FAF1: variants seen among roughly 807,000 people sequenced by gnomAD.
FAF1 encodes the protein Fas associated factor 1, also known as FAS-associated factor 1.
In FAF1, 25 loss-of-function variants were observed where a neutral mutation model predicts 92.5. The observed-to-expected ratio is 0.27, with a 90% CI of 0.20 to 0.38. The LOEUF (loss-of-function observed/expected upper bound fraction) is 0.38, where lower values mean the gene tolerates loss of function less well. FAF1 is among the 10% of genes least tolerant of loss of function. The pLI is 1.00. For synonymous variants in FAF1, 234 were observed against 273.2 expected, an observed-to-expected ratio of 0.86 and a Z score of 1.42; for missense variants, 636 against 793.3, an observed-to-expected ratio of 0.80 and a Z score of 2.38.
At chr1:50,596,077 G>C in intron 9 of FAF1, 44 bp downstream of exon 9, 3 of 1,326,842 alleles carry the variant, frequency 2.3e-6, no homozygotes, top group Non-Finnish European at 3.2e-6. Context: ...AGGTAGGTGG[G>C]GGATGGGCCT....
intron 8 of FAF1, among the ~76,000 whole-genome samples, chr1:50,637,773 A>G (rs577999794): frequency 6.6e-6 from 1 of 151,184 alleles, no homozygotes; most frequent in South Asian, 2.1e-4. Flanking sequence ...AGTCCAATTT[A>G]CCCATTTTTT....
chr1:50,761,744 C>A (rs558047316), intron 4 of FAF1, among the ~76,000 whole-genome samples: 2 of 152,200 alleles, frequency 1.3e-5, no homozygotes, highest in African/African-American at 4.8e-5. Context: ...ACTGAATGGG[C>A]AAAAACTGGA....
intron 9 of FAF1, 47 bp from the exon 10 acceptor site, chr1:50,584,858 C>T (rs1466370793): frequency 3.2e-6 from 5 of 1,570,572 alleles, no homozygotes; most frequent in Non-Finnish European, 4.4e-6. Flanking sequence ...TTTGGCCTAT[C>T]AAATTCTAAG....
At chr1:50,479,899 CAA>C (rs1646680793) in intron 17 of FAF1, among the ~76,000 whole-genome samples, 1 of 151,952 alleles carries the variant, frequency 6.6e-6, no homozygotes, top group Admixed American at 6.6e-5. Flanking sequence ...GTTCTACTGC[CAA>C]AAAAATAACA....
chr1:50,490,764 A>G, intron 16 of FAF1, 99 bp from the exon 17 acceptor site: 1 of 798,180 alleles, frequency 1.3e-6, no homozygotes. Flanking sequence ...GGAAAGAAAG[A>G]GTATGTGACA....
At chr1:50,763,723 T>C (rs988670469) in intron 4 of FAF1, among the ~76,000 whole-genome samples, 9 of 152,240 alleles carry the variant, frequency 5.9e-5, no homozygotes, top group Non-Finnish European at 1.2e-4. Context: ...AAATTATTGA[T>C]ATCACATAAT....
rs373170134 is a variant in FAF1 at position 50,838,755 on chromosome 1, T to G, written c.114+19174A>C. On this transcript the variant is annotated intron_variant, in intron 2 of 18. Coordinates refer to ENST00000396153, the MANE Select transcript of FAF1 (RefSeq NM_007051.3). The stretch of plus-strand genomic sequence containing the variant: ...CAGAGGATTTTATTTTGAAAACTCC[T>G]TAAATGTGATAACTATAAAGAACAC... Among the ~76,000 whole-genome samples, 28 of 152,166 alleles carry G rather than the reference T, an allele frequency of 1.8e-4. No homozygotes were observed. The South Asian group carries it at 4.6e-3, about 25-fold the overall frequency.
intron 15 of FAF1, among the ~76,000 whole-genome samples, chr1:50,507,431 T>G (rs1647072135): frequency 6.6e-6 from 1 of 152,186 alleles, no homozygotes; most frequent in African/African-American, 2.4e-5. Context: ...GGGGACTAGT[T>G]AGGCACTAGG....
chr1:50,569,943 G>A (rs941750666), intron 12 of FAF1, among the ~76,000 whole-genome samples: 4 of 152,008 alleles, frequency 2.6e-5, no homozygotes, highest in Non-Finnish European at 2.9e-5. Flanking sequence ...CATCTCTTTG[G>A]CAATATTTAA....
chr1:50,705,352 T>A (rs987068497), intron 7 of FAF1, among the ~76,000 whole-genome samples: 1 of 152,246 alleles, frequency 6.6e-6, no homozygotes, highest in Non-Finnish European at 1.5e-5. Flanking sequence ...AAGGGCAGGA[T>A]GGAGCTGCTT....
At chr1:50,647,722 C>A (rs1654657464) in intron 8 of FAF1, among the ~76,000 whole-genome samples, 1 of 152,142 alleles carries the variant, frequency 6.6e-6, no homozygotes, top group Non-Finnish European at 1.5e-5. Context: ...ACTCTTTAAT[C>A]TTCACAATAA....
At chr1:50,796,903 G>A (rs1661772136) in intron 3 of FAF1, among the ~76,000 whole-genome samples, 1 of 152,184 alleles carries the variant, frequency 6.6e-6, no homozygotes, top group South Asian at 2.1e-4. Flanking sequence ...GCCGAGGCAG[G>A]AGGATCACTT....
chr1:50,534,103 T>C (rs1468363512), intron 15 of FAF1, among the ~76,000 whole-genome samples: 2 of 152,168 alleles, frequency 1.3e-5, no homozygotes, highest in Non-Finnish European at 2.9e-5. Context: ...TTAATAGGGA[T>C]ACTAGCAGAA....
intron 8 of FAF1, among the ~76,000 whole-genome samples, chr1:50,602,098 C>A (rs1241992210): frequency 1.3e-5 from 2 of 152,144 alleles, no homozygotes; most frequent in Admixed American, 6.6e-5. Flanking sequence ...GTTATGTCAC[C>A]TGCAGACTCC....
chr1:50,824,944 G>T (rs1026242875), intron 2 of FAF1, among the ~76,000 whole-genome samples: 4 of 152,078 alleles, frequency 2.6e-5, no homozygotes, highest in Non-Finnish European at 5.9e-5. Flanking sequence ...GATAGGGGAG[G>T]TTGGGAAGGG....
At chr1:50,856,707 TTTC>T (rs753003235) in intron 2 of FAF1, among the ~76,000 whole-genome samples, 32 of 151,670 alleles carry the variant, frequency 2.1e-4, no homozygotes, top group Admixed American at 3.9e-4. Context: ...ATTTATTCAA[TTTC>T]TTCTGAAAAA....
At chr1:50,925,671 TAA>T (rs1430025281) in intron 1 of FAF1, among the ~76,000 whole-genome samples, 1 of 152,142 alleles carries the variant, frequency 6.6e-6, no homozygotes, top group Admixed American at 6.5e-5. Flanking sequence ...ATAGTCACTA[TAA>T]AAAACAGTGT....
chr1:50,569,588 G>A (rs1178626145), intron 12 of FAF1, among the ~76,000 whole-genome samples: 2 of 152,086 alleles, frequency 1.3e-5, no homozygotes, highest in South Asian at 2.1e-4. Context: ...CAGCTTGATC[G>A]TATCTCAGCA....
At chr1:50,809,115 C>A (rs564330279) in intron 2 of FAF1, among the ~76,000 whole-genome samples, 1 of 152,108 alleles carries the variant, frequency 6.6e-6, no homozygotes, top group South Asian at 2.1e-4. Flanking sequence ...TGGGACATAG[C>A]TAAAGCAATG....
Sources: allele counts gnomAD v4.1 joint callset (sites outside exome capture counted in the v4.1 genomes callset), GRCh38; gene constraint gnomAD v4.1.1; transcripts MANE v1.5; gene names NCBI Gene and HGNC (gene_info 2026-07-23, HGNC 2026-07-21).